GAPVD1: variants seen among roughly 807,000 people sequenced by gnomAD.
The protein encoded by GAPVD1 is GTPase-activating protein and VPS9 domain-containing protein 1.
A neutral mutation model predicts 155.5 loss-of-function variants in GAPVD1; 35 were observed. The observed-to-expected ratio is 0.23, with a 90% CI of 0.17 to 0.30. The LOEUF (loss-of-function observed/expected upper bound fraction) is 0.30, where lower values mean the gene tolerates loss of function less well. Ranked by LOEUF, GAPVD1 falls within the 10% of genes least tolerant of loss-of-function variation. The probability of loss-of-function intolerance (pLI) is 1.00; values close to 1 mark genes in which losing one functional copy is unlikely to be tolerated. For missense variants in GAPVD1, 1,429 were observed against 1,775.7 expected (o/e 0.80, Z 3.51); for synonymous variants, 636 against 619.7 (o/e 1.03, Z -0.39).
chr9:125,269,710 C>CTTTTT (rs951306489), intron 2 of GAPVD1, among the ~76,000 whole-genome samples: 23 of 52,698 alleles, frequency 4.4e-4, no homozygotes, highest in Admixed American at 7.4e-4. Context: ...CCATGCCTGG[C>CTTTTT]TTTTTTTTTT....
At chr9:125,350,644 T>C (rs1849165514) in intron 22 of GAPVD1, 69 bp from the exon 23 acceptor site, 5 of 958,590 alleles carry the variant, frequency 5.2e-6, no homozygotes, top group South Asian at 1.5e-5. Context: ...ACGTCCCAAA[T>C]GCTGAATTAG....
At chr9:125,333,413 T>G (rs1846375567) in intron 15 of GAPVD1, among the ~76,000 whole-genome samples, 1 of 151,170 alleles carries the variant, frequency 6.6e-6, no homozygotes, top group Non-Finnish European at 1.5e-5. Flanking sequence ...ATGCAAGAAG[T>G]AAGTACTGGA....
At chr9:125,299,262 T>C (rs1373446009) in intron 4 of GAPVD1, among the ~76,000 whole-genome samples, 156 bp downstream of exon 4, 1 of 152,228 alleles carries the variant, frequency 6.6e-6, no homozygotes, top group Non-Finnish European at 1.5e-5. Context: ...TAATACAGTT[T>C]ATTTGGATTA....
Position 125,321,431 on chromosome 9 carries a change from AG to A in GAPVD1, c.1603del. 6.2e-7 allele frequency: 1 copy of A among 1,605,950 alleles called. No homozygotes were observed. The highest frequency in any genetic ancestry group is 8.5e-7 in the Non-Finnish European group (1 of 1,175,630). The stretch of plus-strand genomic sequence containing the variant: ...AACCAAAATTGACATTTTATTTTTT[AG>A]GTCCTAAACATGCAGCTTTCGGATG... On this transcript the variant is annotated splice_acceptor_variant, in intron 9 of 27. Transcript: ENST00000297933. LOFTEE classifies it high-confidence loss of function.
At chr9:125,269,146 A>C (rs1230026755) in intron 2 of GAPVD1, 162 bp downstream of exon 2, 1 of 151,966 alleles carries the variant, frequency 6.6e-6, no homozygotes, top group Non-Finnish European at 1.5e-5. Context: ...TGAAGCCTCA[A>C]ACTCCTGGCC....
At position 125,354,708 on chromosome 9, in the gene GAPVD1, C is replaced by T; in HGVS notation, c.3624C>T (p.Thr1208=). The T allele has an allele frequency of 6.2e-7, 1 of 1,613,522 alleles. No individual in the cohort carries two copies. The highest frequency in any genetic ancestry group is 1.1e-5 in the South Asian group (1 of 91,070). ...YLTRCRQGLQ[T]TQAHLERLLQ... The stretch of plus-strand genomic sequence containing the variant: ...CTCGTTGTCGACAAGGACTACAGAC[C>T]ACACAGGCTCACCTGGAAAGGCTAT... The change falls in exon 24 of 28, where the codon ACC becomes ACT. Residue 1208 remains threonine, a synonymous_variant. Transcript: ENST00000297933.
intron 25 of GAPVD1, among the ~76,000 whole-genome samples, chr9:125,357,986 A>AAC (rs200675642): frequency 0.044 from 6,677 of 150,508 alleles, 447 homozygotes; most frequent in African/African-American, 0.15. Flanking sequence ...AAAAAAAAAA[A>AAC]ACACACACAC....
rs573702761 is a variant in GAPVD1, at chr9:125,286,328, G to T, written c.-149-9130G>T. The stretch of plus-strand genomic sequence containing the variant: ...TTTGTTTTTTATTTATTTTTTGATA[G>T]AGATGGAGTTTTGCCATGTTGCCTA... On this transcript the variant is annotated intron_variant, in intron 2 of 27. Transcript: ENST00000297933. Among the ~76,000 whole-genome samples, 77 of 152,100 alleles carry T rather than the reference G, an allele frequency of 5.1e-4. 2 individuals are homozygous for T. The South Asian group carries it at 0.015, about 30-fold the overall frequency.
chr9:125,343,965 T>A (rs1848185949), intron 19 of GAPVD1, among the ~76,000 whole-genome samples: 1 of 152,262 alleles, frequency 6.6e-6, no homozygotes, highest in African/African-American at 2.4e-5. Context: ...GAGTTATATT[T>A]TACTTATCCT....
At chr9:125,267,698 C>T (rs1172159343) in intron 1 of GAPVD1, among the ~76,000 whole-genome samples, 15 of 151,814 alleles carry the variant, frequency 9.9e-5, no homozygotes. Context: ...GGTGAGCTAC[C>T]ATGCCTGACC....
chr9:125,305,131 C>A lies in GAPVD1; in HGVS notation c.1098C>A (p.Ser366Arg). The A allele has an allele frequency of 1.2e-6, 2 of 1,612,490 alleles. No individual in the cohort carries two copies. The highest frequency in any genetic ancestry group is 1.7e-6 in the Non-Finnish European group (2 of 1,178,668). Residue 366 changes from serine (S) to arginine (R), a missense_variant, in exon 6 of 28, where the codon AGC becomes AGA. By Grantham distance (110) the Ser-to-Arg change is moderately radical (BLOSUM62 -1). Transcript: ENST00000297933. Reference sequence around the variant, plus strand: ...AGGGAGATCCCCGAACAAAGAGCAGCCTTGGAAAGTTTGACAAAGTAAGAA... The same window carrying A: ...AGGGAGATCCCCGAACAAAGAGCAGACTTGGAAAGTTTGACAAAGTAAGAA... ...SEEGDPRTKSSLGKFDKSCVA... is the reference protein window; with the variant it reads ...SEEGDPRTKSRLGKFDKSCVA...
At chr9:125,325,706 A>G (rs1042526584) in intron 11 of GAPVD1, among the ~76,000 whole-genome samples, 3 of 152,122 alleles carry the variant, frequency 2.0e-5, no homozygotes, top group Non-Finnish European at 4.4e-5. Flanking sequence ...GAAAAAAGTA[A>G]TGCTGTATTT....
chr9:125,271,482 T>C (rs754119606), intron 2 of GAPVD1, among the ~76,000 whole-genome samples: 4 of 152,134 alleles, frequency 2.6e-5, no homozygotes, highest in Non-Finnish European at 5.9e-5. Flanking sequence ...AGGATCAGAG[T>C]GTAGTAATAT....
At chr9:125,335,386 T>C in intron 15 of GAPVD1, 1 of 463,130 alleles carries the variant, frequency 2.2e-6, no homozygotes. Context: ...CTTTTTTTTT[T>C]TAAAAATGGG....
chr9:125,360,839 T>TA, intron 27 of GAPVD1, 114 bp downstream of exon 27: 1 of 756,008 alleles, frequency 1.3e-6, no homozygotes, highest in Non-Finnish European at 2.2e-6. Flanking sequence ...AGCTCTGGGT[T>TA]ACTCAGAAAG....
In GAPVD1 at chr9:125,274,209, G is replaced by A. The variant is rs146708733; in HGVS notation, c.-150+5225G>A. Among the ~76,000 whole-genome samples, 250 of 151,772 alleles carry A rather than the reference G, an allele frequency of 1.6e-3. 1 individual carries two copies. Among genetic ancestry groups the A allele is most frequent in the African/African-American group, 5.6e-3 (233 of 41,414 alleles). ...ATTTTTGTATTTTTAGTAGAGACGGGGTTTCACCATGTTGGCGAGCCTGGT... is the reference window on the plus strand; with the variant it reads ...ATTTTTGTATTTTTAGTAGAGACGGAGTTTCACCATGTTGGCGAGCCTGGT... On this transcript the variant is annotated intron_variant, in intron 2 of 27. Transcript: ENST00000297933.
At chr9:125,332,360 G>A (rs1846217953) in intron 14 of GAPVD1, 150 bp from the exon 15 acceptor site, 3 of 641,292 alleles carry the variant, frequency 4.7e-6, no homozygotes, top group Non-Finnish European at 2.7e-6. Flanking sequence ...TATTTAAGCA[G>A]TAGTACCATA....
At chr9:125,267,844 T>A (rs1281948053) in intron 1 of GAPVD1, among the ~76,000 whole-genome samples, 1 of 152,120 alleles carries the variant, frequency 6.6e-6, no homozygotes, top group Non-Finnish European at 1.5e-5. Flanking sequence ...CGTGAGCCAC[T>A]ATGCCTAGCT....
Position 125,270,062 on chromosome 9 carries a change from T to C in GAPVD1, c.-150+1078T>C, listed in dbSNP as rs547424736. ...AACTAGGACCAATAATTTTTTTTACTGTATACACATTTTAGAATAAGTTTT... is the reference window on the plus strand; with the variant it reads ...AACTAGGACCAATAATTTTTTTTACCGTATACACATTTTAGAATAAGTTTT... On this transcript the variant is annotated intron_variant, in intron 2 of 27. Transcript: ENST00000297933. 5.9e-5 allele frequency among the ~76,000 whole-genome samples: 9 copies of C among 152,228 alleles called. No individual in the cohort carries two copies. The East Asian group carries it at 1.7e-3, about 29-fold the overall frequency.
Sources: allele counts gnomAD v4.1 joint callset (sites outside exome capture counted in the v4.1 genomes callset), GRCh38; gene constraint gnomAD v4.1.1; transcripts MANE v1.5; gene names NCBI Gene and HGNC (gene_info 2026-07-23, HGNC 2026-07-21).